Variants in SIX5 observed in about 807,000 individuals in gnomAD.
The protein encoded by SIX5 is homeobox protein SIX5.
Under a neutral mutation model 37.1 loss-of-function variants are expected in SIX5, and 21 were observed. The ratio of observed to expected loss-of-function variants is 0.57; its 90% confidence interval spans 0.40 to 0.81. The LOEUF (loss-of-function observed/expected upper bound fraction) is 0.81, where lower values mean the gene tolerates loss of function less well. SIX5 is among the 40% of genes least tolerant of loss of function. The pLI is 0.00. For missense variants in SIX5, 1,137 were observed against 1,025.1 expected (o/e 1.11, Z -1.49); for synonymous variants, 626 against 505.9 (o/e 1.24, Z -3.19).
At chr19:45,767,197 T>TG in intron 1 of SIX5, 42 bp from the exon 2 acceptor site, 2 of 1,591,536 alleles carry the variant, frequency 1.3e-6, no homozygotes, top group Non-Finnish European at 1.7e-6. Context: ...CCTTAGCCTG[T>TG]GGGGCCTCCC....
chr19:45,765,987 C>A lies in SIX5; in HGVS notation c.1734G>T (p.Pro578=). ...PTSMLVSQVL[P]PAPGLALPLK... is the part of the protein sequence containing the mutation. ...GTGGCAGGGCCAGGCCGGGGGCTGG[C>A]GGCAGGACCTGGGAGACGAGCATGC... Residue 578 remains proline, a synonymous_variant, in exon 3 of 3, where the codon CCG becomes CCT. Coordinates refer to ENST00000317578, the MANE Select transcript of SIX5 (RefSeq NM_175875.5). 6.3e-7 allele frequency: 1 copy of A among 1,592,536 alleles called. No homozygotes were observed. Among genetic ancestry groups the A allele is most frequent in the South Asian group, 1.1e-5 (1 of 87,320 alleles).
rs1350446479 is a variant in SIX5, at chr19:45,768,463, G to A, written c.382C>T (p.Arg128Cys). 1.3e-6 allele frequency: 2 copies of A among 1,529,750 alleles called. No homozygotes were observed. The highest frequency in any genetic ancestry group is 1.7e-6 in the Non-Finnish European group (2 of 1,144,636). 94.8% of individuals were successfully genotyped at this position (1,529,750 alleles called of 1,614,324 possible). A position where few individuals can be genotyped will look rare whatever the true frequency, so the allele number is the denominator to read the frequency against. The change falls in exon 1 of 3, where the codon CGC becomes TGC. Residue 128 changes from arginine to cysteine, a missense_variant. By Grantham distance (180) the Arg-to-Cys change is radical. Coordinates refer to ENST00000317578, the MANE Select transcript of SIX5 (RefSeq NM_175875.5). ...ERLRGSDPVL[R>C]ARALVAFQRG... The stretch of plus-strand genomic sequence containing the variant: ...TGGAAGGCCACCAGGGCCCGCGCGC[G>A]CAACACCGGGTCGCTGCCACGTAGG...
chr19:45,767,774 T>A, intron 1 of SIX5: 1 of 541,832 alleles, frequency 1.8e-6, no homozygotes, highest in Non-Finnish European at 3.3e-6. Flanking sequence ...CCCCCCGCAG[T>A]GTGATTCCCC....
intron 1 of SIX5, 156 bp downstream of exon 1, chr19:45,767,886 G>C: frequency 1.3e-6 from 1 of 766,164 alleles, no homozygotes; most frequent in Non-Finnish European, 2.0e-6. Context: ...TCCACACTTA[G>C]TCCCCGCGCC....
chr19:45,766,312 G>T, intron 2 of SIX5, 38 bp downstream of exon 2: 1 of 1,537,738 alleles, frequency 6.5e-7, no homozygotes, highest in South Asian at 1.2e-5. Flanking sequence ...ACCCCTCCCC[G>T]GCTCTCACCT....
rs1600396929 is a variant in SIX5, at chr19:45,765,848, C to CG, written c.1872dup (p.Ala625ArgfsTer15). ...CTGGTGCTGGAGGTGGTGGCAGCGG[C>CG]GGGGGGTGGCTGCTGTGCAGAAAGG... On this transcript the variant is annotated frameshift_variant, in exon 3 of 3. Transcript: ENST00000317578. LOFTEE classifies it low-confidence loss of function (END_TRUNC). 7 of 1,599,452 alleles carry CG rather than the reference C, an allele frequency of 4.4e-6. No individual in the cohort carries two copies. The highest frequency in any genetic ancestry group is 5.9e-6 in the Non-Finnish European group (7 of 1,178,692).
chr19:45,766,364 G>C lies in SIX5; in HGVS notation c.1595C>G (p.Ser532Trp). The C allele has an allele frequency of 6.3e-7, 1 of 1,587,750 alleles. No individual in the cohort carries two copies. Among genetic ancestry groups the C allele is most frequent in the Non-Finnish European group, 8.6e-7 (1 of 1,168,342 alleles). Residue 532 changes from serine (S) to tryptophan (W), a missense_variant, in exon 2 of 3, where the codon TCG becomes TGG. Around this residue, in one of 3 missense-constraint regions of SIX5, gnomAD observed 787 missense variants for 621.4 expected, o/e 1.27. Coordinates refer to ENST00000317578, the MANE Select transcript of SIX5 (RefSeq NM_175875.5). Reference protein sequence around the residue: ...GVGVTALQLPSATAPGNFLLA... With the variant: ...GVGVTALQLPWATAPGNFLLA... Reference sequence around the variant, plus strand: ...GATGGGGGTACCTGGGGCAGTGGCCGAAGGCAGCTGCAGGGCAGTCACGCC... The same window carrying C: ...GATGGGGGTACCTGGGGCAGTGGCCCAAGGCAGCTGCAGGGCAGTCACGCC...
rs545077999 is a variant in SIX5, at chr19:45,765,773, G to A, written c.1948C>T (p.Pro650Ser). 1.2e-6 allele frequency: 2 copies of A among 1,608,752 alleles called. No homozygotes were observed. Among genetic ancestry groups the A allele is most frequent in the Admixed American group, 3.3e-5 (2 of 60,034 alleles). Residue 650 changes from proline to serine, a missense_variant, in exon 3 of 3, where the codon CCC becomes TCC. Pro to Ser is a moderately conservative substitution (Grantham distance 74, BLOSUM62 -1). Transcript: ENST00000317578. Reference protein sequence around the residue: ...SPGLLPNFPAPPPEGLMLSPA... With the variant: ...SPGLLPNFPASPPEGLMLSPA... ...GACAACATCAGCCCCTCTGGTGGGG[G>A]CGCCGGGAAGTTGGGCAGGAGGCCA... is the stretch of plus-strand genomic sequence containing the variant.
chr19:45,766,574 T>A lies in SIX5; in HGVS notation c.1385A>T (p.Tyr462Phe). 7 of 1,473,136 alleles carry A rather than the reference T, an allele frequency of 4.8e-6. No homozygotes were observed. Among genetic ancestry groups the A allele is most frequent in the Non-Finnish European group, 6.3e-6 (7 of 1,105,836 alleles). The allele number at this position is 1,473,136 out of a possible 1,614,324, so 91.3% of individuals were successfully genotyped here. Residue 462 changes from tyrosine (Y) to phenylalanine (F), a missense_variant, in exon 2 of 3, where the codon TAT becomes TTT. Coordinates refer to ENST00000317578, the MANE Select transcript of SIX5 (RefSeq NM_175875.5). The part of the protein sequence containing the change: ...QVVPLSPPPG[Y>F]PTGLSPTSPL... ...GGAGGTGGGGCTCAGGCCCGTGGGA[T>A]ACCCCGGGGGTGGGGAGAGCGGTAC...
At position 45,768,117 on chromosome 19, in the gene SIX5, G is replaced by C; in HGVS notation, c.728C>G (p.Thr243Arg). Reference protein sequence around the residue: ...RLATLTGLSLTQVSNWFKNRR... With the variant: ...RLATLTGLSLRQVSNWFKNRR... ...GTTCTTGAACCAGTTGCTGACCTGC[G>C]TGAGCGACAGGCCGGTGAGTGTGGC... Residue 243 changes from threonine (T) to arginine (R), a missense_variant, in exon 1 of 3, where the codon ACG becomes AGG. By Grantham distance (71) the Thr-to-Arg change is moderately conservative (BLOSUM62 -1). Coordinates refer to ENST00000317578, the MANE Select transcript of SIX5 (RefSeq NM_175875.5). The C allele has an allele frequency of 6.2e-7, 1 of 1,608,050 alleles. No individual in the cohort carries two copies. The highest frequency in any genetic ancestry group is 1.7e-5 in the Admixed American group (1 of 59,924).
At chr19:45,767,726 G>C (rs1165097810) in intron 1 of SIX5, 1 of 452,118 alleles carries the variant, frequency 2.2e-6, no homozygotes, top group East Asian at 3.8e-5. Context: ...GAGTGGAGTG[G>C]CCACAGGCCC....
chr19:45,765,454 T>C lies in SIX5; in HGVS notation c.*47A>G, dbSNP rs199784167. 725 of 1,612,058 alleles carry C rather than the reference T, an allele frequency of 4.5e-4. 1 individual carries two copies. The highest frequency in any genetic ancestry group is 5.4e-4 in the Non-Finnish European group (632 of 1,179,822). ...GGCTCCCCCCTCCCATTCCTGTCCC[T>C]GCGTCTTCAGCACCAATGTCGGGAG... is the stretch of plus-strand genomic sequence containing the variant. On this transcript the variant is annotated 3_prime_UTR_variant, in exon 3 of 3. Transcript: ENST00000317578.
chr19:45,766,669 A>T lies in SIX5; in HGVS notation c.1290T>A (p.Pro430=), dbSNP rs1430979252. Residue 430 remains proline (P), a synonymous_variant, in exon 2 of 3, where the codon CCT becomes CCA. Transcript: ENST00000317578. The part of the protein sequence containing the change: ...EVLGPLAQVV[P]GPPTAATFPL... Reference sequence around the variant, plus strand: ...GAAAGGTGGCAGCCGTCGGGGGGCCAGGCACCACTTGGGCCAGGGGCCCCA... The same window carrying T: ...GAAAGGTGGCAGCCGTCGGGGGGCCTGGCACCACTTGGGCCAGGGGCCCCA... 6.7e-7 allele frequency: 1 copy of T among 1,496,132 alleles called. No homozygotes were observed. Among genetic ancestry groups the T allele is most frequent in the Non-Finnish European group, 8.9e-7 (1 of 1,121,830 alleles). 92.7% of individuals were successfully genotyped at this position (1,496,132 alleles called of 1,614,324 possible). A position where few individuals can be genotyped will look rare whatever the true frequency, so the allele number is the denominator to read the frequency against.
rs1056874375 is a variant in SIX5 at position 45,768,533 on chromosome 19, G to A, written c.312C>T (p.Ala104=). 10 of 1,425,070 alleles carry A rather than the reference G, an allele frequency of 7.0e-6. No homozygotes were observed. In the Admixed American group the frequency reaches 1.5e-4, roughly 21 times the overall value. The allele number at this position is 1,425,070 out of a possible 1,614,324, so 88.3% of individuals were successfully genotyped here. A position where few individuals can be genotyped will look rare whatever the true frequency, so the allele number is the denominator to read the frequency against. ...CGCCCAGGAAGCGGCTCAAGCGGCC[G>A]GCGTGGCCCGCCTGGAGCAGCGCCT... ...VCEALLQAGH[A]GRLSRFLGAL... Residue 104 remains alanine, a synonymous_variant, in exon 1 of 3, where the codon GCC becomes GCT. Coordinates refer to ENST00000317578, the MANE Select transcript of SIX5 (RefSeq NM_175875.5).
In SIX5 at chr19:45,768,524, C is replaced by G. The variant is rs1425488534; in HGVS notation, c.321G>C (p.Leu107Phe). The G allele has an allele frequency of 6.9e-7, 1 of 1,444,948 alleles. No individual in the cohort carries two copies. Among genetic ancestry groups the G allele is most frequent in the Non-Finnish European group, 9.0e-7 (1 of 1,108,340 alleles). The allele number at this position is 1,444,948 out of a possible 1,614,324, so 89.5% of individuals were successfully genotyped here. A position where few individuals can be genotyped will look rare whatever the true frequency, so the allele number is the denominator to read the frequency against. ...ALLQAGHAGR[L>F]SRFLGALPPA... Reference sequence around the variant, plus strand: ...GGGGCAGTGCGCCCAGGAAGCGGCTCAAGCGGCCGGCGTGGCCCGCCTGGA... The same window carrying G: ...GGGGCAGTGCGCCCAGGAAGCGGCTGAAGCGGCCGGCGTGGCCCGCCTGGA... Residue 107 changes from leucine to phenylalanine, a missense_variant, in exon 1 of 3, where the codon TTG becomes TTC. This residue lies in a region of SIX5 where 331 missense variants were observed against 360.9 expected (regional missense o/e 0.92). Transcript: ENST00000317578.
chr19:45,766,921 G>A lies in SIX5; in HGVS notation c.1038C>T (p.Asn346=), dbSNP rs200935887. ...TGGAGGCCTCGCCCAGGGCCAGGCC[G>A]TTGATGATGACGGGGCCCCCGTTGA... ...VLLNGGPVII[N]GLALGEASSL... The change falls in exon 2 of 3, where the codon AAC becomes AAT. Residue 346 remains asparagine (N), a synonymous_variant. Transcript: ENST00000317578. 1.1e-5 allele frequency: 17 copies of A among 1,562,536 alleles called. No individual in the cohort carries two copies. In the East Asian group the frequency reaches 3.1e-4, roughly 29 times the overall value.
chr19:45,766,687 G>A lies in SIX5; in HGVS notation c.1272C>T (p.Pro424=), dbSNP rs1179130122. The A allele has an allele frequency of 6.6e-7, 1 of 1,514,528 alleles. No individual in the cohort carries two copies. The highest frequency in any genetic ancestry group is 8.8e-7 in the Non-Finnish European group (1 of 1,131,164). 93.8% of individuals were successfully genotyped at this position (1,514,528 alleles called of 1,614,324 possible). A position where few individuals can be genotyped will look rare whatever the true frequency, so the allele number is the denominator to read the frequency against. Residue 424 remains proline (P), a synonymous_variant, in exon 2 of 3, where the codon CCC becomes CCT. Coordinates refer to ENST00000317578, the MANE Select transcript of SIX5 (RefSeq NM_175875.5). ...GPALGEEVLG[P]LAQVVPGPPT... ...GGGGGCCAGGCACCACTTGGGCCAGGGGCCCCAGGACCTCCTCTCCAAGGG... is the reference window on the plus strand; with the variant it reads ...GGGGGCCAGGCACCACTTGGGCCAGAGGCCCCAGGACCTCCTCTCCAAGGG...
intron 1 of SIX5, among the ~76,000 whole-genome samples, chr19:45,767,536 G>A (rs1281565008): frequency 1.3e-5 from 2 of 152,020 alleles, no homozygotes; most frequent in African/African-American, 4.8e-5. Flanking sequence ...GGGAGAGGCC[G>A]GCGCTCAGGG....
In SIX5 at chr19:45,768,908, TC is replaced by T; in HGVS notation, c.-65del. 8.2e-7 allele frequency: 1 copy of T among 1,224,860 alleles called. No individual in the cohort carries two copies. Among genetic ancestry groups the T allele is most frequent in the Non-Finnish European group, 1.0e-6 (1 of 952,780 alleles). 75.9% of individuals were successfully genotyped at this position (1,224,860 alleles called of 1,614,324 possible). A position where few individuals can be genotyped will look rare whatever the true frequency, so the allele number is the denominator to read the frequency against. Reference sequence around the variant, plus strand: ...CTCCCTCGGGCTTTCCCCAGCCTCCTCCCCCACCTGTCCCCCCTTTTCGCCC... The same window carrying T: ...CTCCCTCGGGCTTTCCCCAGCCTCCTCCCCACCTGTCCCCCCTTTTCGCCC... On this transcript the variant is annotated 5_prime_UTR_variant, in exon 1 of 3. Transcript: ENST00000317578.
Sources: allele counts gnomAD v4.1 joint callset (sites outside exome capture counted in the v4.1 genomes callset), GRCh38; gene constraint gnomAD v4.1.1; regional missense constraint gnomAD v4.1.1; transcripts MANE v1.5; gene names NCBI Gene and HGNC (gene_info 2026-07-23, HGNC 2026-07-21).